Variants in PPP4R2 observed in about 807,000 individuals in gnomAD.
PPP4R2 encodes serine/threonine-protein phosphatase 4 regulatory subunit 2.
A neutral mutation model predicts 47.2 loss-of-function variants in PPP4R2; 13 were observed. The ratio of observed to expected loss-of-function variants is 0.28; its 90% confidence interval spans 0.18 to 0.44. The LOEUF (loss-of-function observed/expected upper bound fraction) is 0.44. PPP4R2 is among the 20% of genes least tolerant of loss of function. The probability of loss-of-function intolerance (pLI) is 1.00; values close to 1 mark genes in which losing one functional copy is unlikely to be tolerated. For missense variants in PPP4R2, 421 were observed against 491.2 expected (o/e 0.86, Z 1.35); for synonymous variants, 151 against 163.3 (o/e 0.92, Z 0.57).
intron 2 of PPP4R2, among the ~76,000 whole-genome samples, chr3:73,036,508 A>G (rs1702263566): frequency 6.6e-6 from 1 of 152,226 alleles, no homozygotes; most frequent in East Asian, 1.9e-4. Context: ...ATAAATATGT[A>G]TAATTATGTA....
At chr3:73,060,083 T>C (rs1205329877) in intron 4 of PPP4R2, among the ~76,000 whole-genome samples, 2 of 152,196 alleles carry the variant, frequency 1.3e-5, no homozygotes, top group South Asian at 2.1e-4. Context: ...TAATTTTCAG[T>C]TGATGGTTGG....
chr3:73,002,979 G>A (rs1210228561), intron 2 of PPP4R2, among the ~76,000 whole-genome samples: 1 of 151,902 alleles, frequency 6.6e-6, no homozygotes, highest in Non-Finnish European at 1.5e-5. Context: ...AGGAATCCTG[G>A]TTCTCTCAAG....
intron 2 of PPP4R2, among the ~76,000 whole-genome samples, chr3:73,043,498 C>A (rs549880645): frequency 6.6e-6 from 1 of 152,246 alleles, no homozygotes; most frequent in African/African-American, 2.4e-5. Flanking sequence ...CTGCATTTAC[C>A]TTTCTGAGGA....
intron 7 of PPP4R2, among the ~76,000 whole-genome samples, 185 bp from the exon 8 acceptor site, chr3:73,064,667 G>C (rs1406966368): frequency 6.6e-6 from 1 of 152,058 alleles, no homozygotes; most frequent in Non-Finnish European, 1.5e-5. Context: ...GAGTCCTACT[G>C]GGAATTATTC....
rs56173826 is a variant in PPP4R2, at chr3:73,014,236, T to C, written c.116+16078T>C. Among the ~76,000 whole-genome samples the C allele has an allele frequency of 9.4e-3, 1,229 of 130,660 alleles. 222 individuals carry two copies. Among genetic ancestry groups the C allele is most frequent in the African/African-American group, 0.031 (1,160 of 37,522 alleles). The allele number at this position is 130,660 out of a possible 152,430, so 85.7% of individuals were successfully genotyped here. The stretch of plus-strand genomic sequence containing the variant: ...TTCTACTAGCAGTATATGAAAGTTA[T>C]CTCTATATCCATGTTAGCACCAAGC... On this transcript the variant is annotated intron_variant, in intron 2 of 8. Transcript: ENST00000356692.
chr3:73,057,534 C>T (rs1407997424), intron 3 of PPP4R2, among the ~76,000 whole-genome samples: 1 of 152,094 alleles, frequency 6.6e-6, no homozygotes, highest in Non-Finnish European at 1.5e-5. Context: ...GAACAGTTTT[C>T]TCACTTTTAG....
chr3:73,057,370 T>TTC (rs1702750145), intron 3 of PPP4R2, among the ~76,000 whole-genome samples: 1 of 152,160 alleles, frequency 6.6e-6, no homozygotes, highest in Non-Finnish European at 1.5e-5. Flanking sequence ...TTTAAAAGGA[T>TTC]TCTTCATTTT....
intron 7 of PPP4R2, among the ~76,000 whole-genome samples, chr3:73,064,377 C>T (rs4676901): frequency 1.3e-5 from 2 of 151,892 alleles, no homozygotes; most frequent in Non-Finnish European, 2.9e-5. Context: ...CTAAAAGTAA[C>T]GTAGATATGA....
intron 2 of PPP4R2, among the ~76,000 whole-genome samples, chr3:73,042,119 A>G (rs1702391298): frequency 6.6e-6 from 1 of 152,136 alleles, no homozygotes; most frequent in Non-Finnish European, 1.5e-5. Context: ...AGTAGATTTA[A>G]ATTTTGAGTA....
chr3:73,018,293 T>C (rs1701882145), intron 2 of PPP4R2, among the ~76,000 whole-genome samples: 1 of 152,112 alleles, frequency 6.6e-6, no homozygotes, highest in South Asian at 2.1e-4. Context: ...TTTTTTGTAT[T>C]CGTGGGTTCT....
intron 5 of PPP4R2, chr3:73,063,318 T>TAAAAAAA (rs534798966): frequency 2.2e-5 from 2 of 92,178 alleles, no homozygotes; most frequent in Non-Finnish European, 4.3e-5. Context: ...TCTCATTATT[T>TAAAAAAA]AAAAAAAAAA....
At chr3:73,026,248 C>T (rs1357590845) in intron 2 of PPP4R2, among the ~76,000 whole-genome samples, 1 of 152,130 alleles carries the variant, frequency 6.6e-6, no homozygotes, top group Non-Finnish European at 1.5e-5. Flanking sequence ...ACTCAATTCT[C>T]TAGTAAATTC....
chr3:72,996,949 G>C lies in PPP4R2; in HGVS notation c.-89G>C, dbSNP rs867869923. ...CGTGCCGGAGTGTGTGCGAGGGAGG[G>C]GGAGGGCGTCGGGGGGGTGGGGGGA... On this transcript the variant is annotated 5_prime_UTR_variant, in exon 1 of 9. Coordinates refer to ENST00000356692, the MANE Select transcript of PPP4R2 (RefSeq NM_174907.4). 2.9e-6 allele frequency: 3 copies of C among 1,052,024 alleles called. No individual in the cohort carries two copies. Among genetic ancestry groups the C allele is most frequent in the Non-Finnish European group, 1.3e-6 (1 of 791,374 alleles). The allele number at this position is 1,052,024 out of a possible 1,614,324, so 65.2% of individuals were successfully genotyped here. A position where few individuals can be genotyped will look rare whatever the true frequency, so the allele number is the denominator to read the frequency against.
intron 3 of PPP4R2, among the ~76,000 whole-genome samples, chr3:73,058,820 A>G (rs1444592050): frequency 1.7e-5 from 1 of 59,078 alleles, no homozygotes; most frequent in African/African-American, 6.5e-5. Flanking sequence ...ATTGCTTTTT[A>G]AAGGAAGGGA....
chr3:73,065,973 G>C lies in PPP4R2; in HGVS notation c.*251G>C. On this transcript the variant is annotated 3_prime_UTR_variant, in exon 9 of 9. Coordinates refer to ENST00000356692, the MANE Select transcript of PPP4R2 (RefSeq NM_174907.4). ...TGGTCTGGGCAAATCAGTGGTTTGT[G>C]TATAGATTTTTTTTTTTTTTTAATT... 4.3e-6 allele frequency: 1 copy of C among 231,340 alleles called. No individual in the cohort carries two copies. The highest frequency in any genetic ancestry group is 7.8e-6 in the Non-Finnish European group (1 of 128,704). 14.3% of individuals were successfully genotyped at this position (231,340 alleles called of 1,614,324 possible). A position where few individuals can be genotyped will look rare whatever the true frequency, so the allele number is the denominator to read the frequency against.
intron 2 of PPP4R2, among the ~76,000 whole-genome samples, chr3:73,003,994 C>A (rs1426231017): frequency 6.6e-6 from 1 of 152,132 alleles, no homozygotes; most frequent in African/African-American, 2.4e-5. Flanking sequence ...GCCACTGTGC[C>A]TGGCCTAACT....
chr3:73,015,701 C>A, intron 2 of PPP4R2: 2 of 299,204 alleles, frequency 6.7e-6, no homozygotes, highest in South Asian at 2.4e-5. Flanking sequence ...GCAGTGGCGC[C>A]ATCTCGGCTC....
In PPP4R2 at chr3:73,028,028, A is replaced by G. The variant is rs558517062; in HGVS notation, c.117-19158A>G. On this transcript the variant is annotated intron_variant, in intron 2 of 8. Coordinates refer to ENST00000356692, the MANE Select transcript of PPP4R2 (RefSeq NM_174907.4). ...TTCCAGCACTTTAGGAGGCTGAGGC[A>G]GGTGGATCACCTGAGGTCAGGAGTT... Among the ~76,000 whole-genome samples, 18 of 149,938 alleles carry G rather than the reference A, an allele frequency of 1.2e-4. No individual in the cohort carries two copies. The South Asian group carries it at 3.8e-3, about 32-fold the overall frequency.
At chr3:73,018,105 T>C (rs1701877475) in intron 2 of PPP4R2, among the ~76,000 whole-genome samples, 1 of 152,198 alleles carries the variant, frequency 6.6e-6, no homozygotes, top group Non-Finnish European at 1.5e-5. Flanking sequence ...CCTTTGTACA[T>C]CATTCCTAGT....
Sources: gnomAD v4.1 joint callset for allele counts (sites outside exome capture counted in the v4.1 genomes callset) on GRCh38, gnomAD v4.1.1 for gene constraint, MANE v1.5 for transcripts, NCBI Gene and HGNC (gene_info 2026-07-23, HGNC 2026-07-21) for gene names.